The following CNTNAP2 variants were observed in gnomAD, a reference collection of about 807,000 sequenced individuals.
CNTNAP2 encodes contactin-associated protein-like 2.
CNTNAP2 carries 98 observed loss-of-function variants against 155.2 expected under a neutral mutation model. The observed-to-expected ratio is 0.63, with a 90% CI of 0.54 to 0.75. The LOEUF is 0.75. CNTNAP2 is among the 30% of genes least tolerant of loss of function. CNTNAP2 has a pLI of 0.00. For missense variants in CNTNAP2, 1,727 were observed against 1,688.1 expected (o/e 1.02, Z -0.40); for synonymous variants, 651 against 631.2 (o/e 1.03, Z -0.47).
At chr7:147,311,100 T>A (rs1795117480) in intron 9 of CNTNAP2, among the ~76,000 whole-genome samples, 2 of 152,094 alleles carry the variant, frequency 1.3e-5, no homozygotes, top group South Asian at 4.1e-4. Context: ...GGCGGGGAGT[T>A]CTGGCTAAAC....
intron 3 of CNTNAP2, among the ~76,000 whole-genome samples, chr7:147,024,215 A>T (rs568005424): frequency 6.6e-6 from 1 of 152,248 alleles, no homozygotes; most frequent in Non-Finnish European, 1.5e-5. Flanking sequence ...CATTCTGCTA[A>T]TTTGTATTAC....
At chr7:148,086,844 T>C (rs1803740778) in intron 15 of CNTNAP2, among the ~76,000 whole-genome samples, 1 of 152,198 alleles carries the variant, frequency 6.6e-6, no homozygotes, top group Non-Finnish European at 1.5e-5. Flanking sequence ...CAGATTAAGC[T>C]GCACTTAAAT....
At chr7:146,458,129 C>T (rs1176147153) in intron 1 of CNTNAP2, among the ~76,000 whole-genome samples, 1 of 152,016 alleles carries the variant, frequency 6.6e-6, no homozygotes, top group Non-Finnish European at 1.5e-5. Flanking sequence ...GAACAACACA[C>T]ACTGGGGCCT....
At chr7:147,047,239 G>C (rs1309214664) in intron 4 of CNTNAP2, among the ~76,000 whole-genome samples, 1 of 145,794 alleles carries the variant, frequency 6.9e-6, no homozygotes, top group African/African-American at 2.5e-5. Context: ...CTCCCGAGTA[G>C]CTGGGACTAC....
chr7:148,305,939 C>T (rs1361164743), intron 21 of CNTNAP2, among the ~76,000 whole-genome samples: 14 of 152,208 alleles, frequency 9.2e-5, no homozygotes, highest in Non-Finnish European at 2.1e-4. Flanking sequence ...ACCCGGCTTC[C>T]ATGACTTTCT....
At chr7:147,856,061 C>G (rs762361004) in intron 13 of CNTNAP2, among the ~76,000 whole-genome samples, 3 of 152,104 alleles carry the variant, frequency 2.0e-5, no homozygotes, top group Non-Finnish European at 4.4e-5. Context: ...AGTTTGAGGT[C>G]GAGGAGACCA....
chr7:148,380,390 A>T (rs1730410), intron 21 of CNTNAP2, among the ~76,000 whole-genome samples: 108,353 of 151,654 alleles, frequency 0.71, 39,847 homozygotes, highest in Admixed American at 0.8. Flanking sequence ...TTGTGGTGCT[A>T]TCAATGATGC....
At chr7:148,330,102 GGATA>G (rs1797958959) in intron 21 of CNTNAP2, among the ~76,000 whole-genome samples, 1 of 152,116 alleles carries the variant, frequency 6.6e-6, no homozygotes, top group Admixed American at 6.5e-5. Flanking sequence ...TGGAATGGAT[GGATA>G]GATGGAGTGG....
intron 1 of CNTNAP2, among the ~76,000 whole-genome samples, chr7:146,183,339 T>C (rs1194380063): frequency 1.3e-5 from 2 of 152,214 alleles, no homozygotes; most frequent in East Asian, 1.9e-4. Flanking sequence ...TAACCCTTCA[T>C]TGGTCCCAAA....
chr7:146,860,137 A>G lies in CNTNAP2; in HGVS notation c.402+20233A>G, dbSNP rs142703698. 5.7e-3 allele frequency among the ~76,000 whole-genome samples: 867 copies of G among 152,366 alleles called. 5 individuals are homozygous for G. Among genetic ancestry groups the G allele is most frequent in the Middle Eastern group, 0.01 (3 of 294 alleles). ...TATCAAGTTTATTTTTATTGTTCAG[A>G]TGTTACAATGAGTAATGGATATATA... On this transcript the variant is annotated intron_variant, in intron 3 of 23. Transcript: ENST00000361727.
At chr7:147,365,390 A>G (rs1796212282) in intron 9 of CNTNAP2, among the ~76,000 whole-genome samples, 1 of 149,094 alleles carries the variant, frequency 6.7e-6, no homozygotes, top group Admixed American at 6.6e-5. Context: ...AAAGAAAAAA[A>G]AAAAAAAAAA....
At chr7:146,674,099 A>C (rs1800355209) in intron 1 of CNTNAP2, among the ~76,000 whole-genome samples, 1 of 152,182 alleles carries the variant, frequency 6.6e-6, no homozygotes, top group South Asian at 2.1e-4. Context: ...GTAATGAAAG[A>C]CTGACTGAAT....
At chr7:147,475,998 T>C (rs1027184187) in intron 10 of CNTNAP2, among the ~76,000 whole-genome samples, 3 of 152,208 alleles carry the variant, frequency 2.0e-5, no homozygotes, top group Non-Finnish European at 4.4e-5. Context: ...TTATATTTAC[T>C]GTGGGTCTAG....
At chr7:146,903,239 G>C (rs958775750) in intron 3 of CNTNAP2, among the ~76,000 whole-genome samples, 6 of 152,076 alleles carry the variant, frequency 3.9e-5, no homozygotes, top group Admixed American at 1.3e-4. Context: ...ATCCTGTTTT[G>C]TCACCAGAGA....
intron 1 of CNTNAP2, among the ~76,000 whole-genome samples, chr7:146,770,310 G>A (rs1049352498): frequency 7.7e-6 from 1 of 129,864 alleles, no homozygotes; most frequent in Non-Finnish European, 1.6e-5. Flanking sequence ...ATATATATGT[G>A]TGTGTATACA....
rs75358633 is a variant in CNTNAP2 at position 147,394,392 on chromosome 7, C to T, written c.1499-1217C>T. ...CCATTTTTTGTTTTTATTGAAAATT[C>T]ACTTTTATCCATTTAATGGAACTTT... On this transcript the variant is annotated intron_variant, in intron 9 of 23. Transcript: ENST00000361727. Among the ~76,000 whole-genome samples the T allele has an allele frequency of 9.2e-5, 14 of 151,948 alleles. No individual in the cohort carries two copies. In the East Asian group the frequency reaches 2.7e-3, roughly 29 times the overall value.
At chr7:146,897,745 C>A (rs1260431487) in intron 3 of CNTNAP2, among the ~76,000 whole-genome samples, 2 of 152,106 alleles carry the variant, frequency 1.3e-5, no homozygotes, top group African/African-American at 4.8e-5. Context: ...CTACCACCCA[C>A]TCTGCAGAAT....
At chr7:147,134,637 A>G (rs546582902) in intron 8 of CNTNAP2, among the ~76,000 whole-genome samples, 2 of 151,924 alleles carry the variant, frequency 1.3e-5, no homozygotes, top group Non-Finnish European at 2.9e-5. Context: ...CATTCATTCA[A>G]TCTAAAAGTA....
At chr7:146,690,818 T>C (rs1452317792) in intron 1 of CNTNAP2, among the ~76,000 whole-genome samples, 1 of 152,140 alleles carries the variant, frequency 6.6e-6, no homozygotes, top group Non-Finnish European at 1.5e-5. Context: ...ACAGTTTATT[T>C]TGAGTGAAAA....
Sources: allele counts gnomAD v4.1 joint callset (sites outside exome capture counted in the v4.1 genomes callset), GRCh38; gene constraint gnomAD v4.1.1; transcripts MANE v1.5; gene names NCBI Gene and HGNC (gene_info 2026-07-23, HGNC 2026-07-21).